The following SLC24A3 variants were observed in gnomAD, a reference collection of about 807,000 sequenced individuals.
SLC24A3 encodes the protein solute carrier family 24 member 3, also known as sodium/potassium/calcium exchanger 3.
Under a neutral mutation model 75.8 loss-of-function variants are expected in SLC24A3, and 28 were observed. That is an observed-to-expected ratio of 0.37 (90% confidence interval 0.27 to 0.51). The LOEUF (loss-of-function observed/expected upper bound fraction) is 0.51, where lower values mean the gene tolerates loss of function less well. Among genes scored for constraint, SLC24A3 ranks in the 20% least tolerant of loss-of-function variants. SLC24A3 has a pLI of 0.94. For missense variants in SLC24A3, 663 were observed against 847.8 expected (o/e 0.78, Z 2.71); for synonymous variants, 372 against 334.1 (o/e 1.11, Z -1.24).
At chr20:19,283,835 C>T (rs1305993400) in intron 2 of SLC24A3, among the ~76,000 whole-genome samples, 2 of 152,178 alleles carry the variant, frequency 1.3e-5, no homozygotes, top group African/African-American at 4.8e-5. Context: ...GGAGTGTATT[C>T]GTGAATTTCC....
chr20:19,664,114 A>G (rs1480396685), intron 7 of SLC24A3, among the ~76,000 whole-genome samples: 1 of 152,220 alleles, frequency 6.6e-6, no homozygotes, highest in East Asian at 1.9e-4. Context: ...TTAAGTGGCT[A>G]CAAATTGATT....
In SLC24A3 at chr20:19,719,462, G is replaced by A. The variant is rs143459692; in HGVS notation, c.1786-1529G>A. ...GGGAGATGGGATCTGGGGCATGCAG[G>A]GTGGAGTTGACCTCACTGCCAGGAG... On this transcript the variant is annotated intron_variant, in intron 16 of 16. Transcript: ENST00000328041. 2.0e-5 allele frequency among the ~76,000 whole-genome samples: 3 copies of A among 152,162 alleles called. No individual in the cohort carries two copies. The East Asian group carries it at 5.8e-4, about 30-fold the overall frequency.
chr20:19,224,106 T>C (rs934227038), intron 1 of SLC24A3, among the ~76,000 whole-genome samples: 1 of 137,372 alleles, frequency 7.3e-6, no homozygotes, highest in African/African-American at 2.9e-5. Flanking sequence ...TGTACCCATG[T>C]GGTGTGAGTG....
chr20:19,256,385 A>G (rs1163243064), intron 1 of SLC24A3, among the ~76,000 whole-genome samples: 1 of 152,194 alleles, frequency 6.6e-6, no homozygotes, highest in Non-Finnish European at 1.5e-5. Context: ...TGGGGTGATG[A>G]AAATATTCTA....
intron 2 of SLC24A3, among the ~76,000 whole-genome samples, chr20:19,467,168 G>A (rs561992957): frequency 1.9e-4 from 29 of 152,316 alleles, no homozygotes; most frequent in African/African-American, 5.8e-4. Flanking sequence ...AGCAAAAGCC[G>A]GGAAATCAAT....
At chr20:19,468,786 T>C (rs943862263) in intron 2 of SLC24A3, among the ~76,000 whole-genome samples, 2 of 152,178 alleles carry the variant, frequency 1.3e-5, no homozygotes, top group Non-Finnish European at 2.9e-5. Context: ...GGTTTAACCA[T>C]GGCCTGAAGT....
chr20:19,605,248 C>T (rs546177026), intron 6 of SLC24A3, among the ~76,000 whole-genome samples: 94 of 152,248 alleles, frequency 6.2e-4, no homozygotes, highest in African/African-American at 2.2e-3. Context: ...CTTAAGGCTC[C>T]ATCATCACAC....
At chr20:19,568,820 T>C (rs2031003046) in intron 3 of SLC24A3, among the ~76,000 whole-genome samples, 1 of 152,224 alleles carries the variant, frequency 6.6e-6, no homozygotes. Context: ...TATGTGGGAA[T>C]ATATACAATA....
chr20:19,657,243 T>C (rs1015770205), intron 7 of SLC24A3, among the ~76,000 whole-genome samples: 3 of 152,190 alleles, frequency 2.0e-5, no homozygotes, highest in African/African-American at 7.2e-5. Context: ...AAAGTTTGAG[T>C]CCTCAAGGTT....
At chr20:19,472,465 A>G (rs1472876554) in intron 2 of SLC24A3, among the ~76,000 whole-genome samples, 1 of 152,346 alleles carries the variant, frequency 6.6e-6, no homozygotes, top group Non-Finnish European at 1.5e-5. Flanking sequence ...TTTGATAATG[A>G]CAATGCCAGT....
intron 2 of SLC24A3, among the ~76,000 whole-genome samples, chr20:19,452,499 G>C (rs373373633): frequency 2.6e-5 from 4 of 151,350 alleles, no homozygotes; most frequent in African/African-American, 7.3e-5. Flanking sequence ...GGGGTACACT[G>C]GGACCCTTAA....
intron 6 of SLC24A3, among the ~76,000 whole-genome samples, chr20:19,646,898 T>C (rs1461916736): frequency 1.3e-5 from 2 of 150,754 alleles, no homozygotes; most frequent in Non-Finnish European, 2.9e-5. Context: ...ATTGGATTAC[T>C]GTGTAAATCC....
rs1265734369 is a variant in SLC24A3 at position 19,707,368 on chromosome 20, G to GA, written c.1719+8695dup. On this transcript the variant is annotated intron_variant, in intron 15 of 16. Transcript: ENST00000328041. The stretch of plus-strand genomic sequence containing the variant: ...GTGGAAAGCTAAGCAAGAGACTACA[G>GA]AAAAAAATAACAGGACCTGGCAATT... Among the ~76,000 whole-genome samples, 4 of 152,102 alleles carry GA rather than the reference G, an allele frequency of 2.6e-5. No individual in the cohort carries two copies. The South Asian group carries it at 6.2e-4, about 24-fold the overall frequency.
intron 2 of SLC24A3, among the ~76,000 whole-genome samples, chr20:19,484,043 T>A (rs1276749105): frequency 6.6e-6 from 1 of 152,194 alleles, no homozygotes; most frequent in Admixed American, 6.5e-5. Context: ...CCTATGTTAA[T>A]GGGAGCATTA....
chr20:19,643,153 C>T (rs530235899), intron 6 of SLC24A3, among the ~76,000 whole-genome samples: 3 of 152,144 alleles, frequency 2.0e-5, no homozygotes, highest in Non-Finnish European at 4.4e-5. Context: ...AGACGGTGGC[C>T]GGCATCTGCA....
rs563349170 is a variant in SLC24A3, at chr20:19,426,300, T to C, written c.272-89188T>C. 7.9e-5 allele frequency among the ~76,000 whole-genome samples: 12 copies of C among 152,346 alleles called. No individual in the cohort carries two copies. The South Asian group carries it at 2.5e-3, about 32-fold the overall frequency. On this transcript the variant is annotated intron_variant, in intron 2 of 16. Coordinates refer to ENST00000328041, the MANE Select transcript of SLC24A3 (RefSeq NM_020689.4). ...GGTAACACCACCACCAACAGCAAAC[T>C]TACCAGGTAAAATGTAAGATTTCTT...
chr20:19,402,976 T>G (rs1986579498), intron 2 of SLC24A3, among the ~76,000 whole-genome samples: 1 of 152,222 alleles, frequency 6.6e-6, no homozygotes, highest in African/African-American at 2.4e-5. Context: ...TTTTTGAATT[T>G]TATTAACTTT....
intron 15 of SLC24A3, among the ~76,000 whole-genome samples, chr20:19,706,396 T>A (rs796497845): frequency 2.6e-5 from 4 of 152,020 alleles, no homozygotes; most frequent in African/African-American, 9.6e-5. Context: ...GAAGTTTAGG[T>A]AGTGTGTGGC....
intron 2 of SLC24A3, among the ~76,000 whole-genome samples, chr20:19,311,521 A>G (rs1019547844): frequency 6.6e-5 from 10 of 152,138 alleles, no homozygotes; most frequent in East Asian, 1.9e-4. Flanking sequence ...AGAGTGATCA[A>G]TGCTGTACTA....
Sources: allele counts gnomAD v4.1 joint callset (sites outside exome capture counted in the v4.1 genomes callset), GRCh38; gene constraint gnomAD v4.1.1; transcripts MANE v1.5; gene names NCBI Gene and HGNC (gene_info 2026-07-23, HGNC 2026-07-21).